TMEM209: variants seen among roughly 807,000 people sequenced by gnomAD.
The protein encoded by TMEM209 is testicular tissue protein Li 202.
In TMEM209, 65 loss-of-function variants were observed where a neutral mutation model predicts 76.2. The observed-to-expected ratio is 0.85, with a 90% confidence interval of 0.70 to 1.05. TMEM209 has a LOEUF of 1.05. TMEM209 is among the 50% of genes least tolerant of loss of function. TMEM209 has a pLI of 0.00. For missense variants in TMEM209, 623 were observed against 685.5 expected (o/e 0.91, Z 1.02); for synonymous variants, 239 against 237.6 (o/e 1.01, Z -0.06).
chr7:130,200,458 T>C (rs1197804578), intron 5 of TMEM209, among the ~76,000 whole-genome samples: 2 of 152,200 alleles, frequency 1.3e-5, no homozygotes, highest in Non-Finnish European at 2.9e-5. Flanking sequence ...AATTTATCAA[T>C]AATTTTATGT....
chr7:130,203,072 G>A (rs111510547), intron 3 of TMEM209, among the ~76,000 whole-genome samples: 1 of 151,462 alleles, frequency 6.6e-6, no homozygotes, highest in African/African-American at 2.4e-5. Flanking sequence ...CTGGGTGACA[G>A]AGTGAGACTC....
chr7:130,200,863 G>A (rs1024648812), intron 5 of TMEM209, among the ~76,000 whole-genome samples: 1 of 151,906 alleles, frequency 6.6e-6, no homozygotes, highest in Admixed American at 6.6e-5. Flanking sequence ...GTCGAGGAGG[G>A]CAGATCGCAA....
intron 6 of TMEM209, among the ~76,000 whole-genome samples, chr7:130,187,549 C>G (rs949246033): frequency 1.3e-4 from 19 of 150,178 alleles, no homozygotes. Context: ...GGTAGAGGAC[C>G]AGGAATCTCA....
At position 130,203,901 on chromosome 7, in the gene TMEM209, A is replaced by C. The variant is rs918441467; in HGVS notation, c.141-55T>G. ...GAACCTAAAAACACCAAAAATCAAA[A>C]ACAAACACAAAAACCTGTGGAACCA... On this transcript the variant is annotated intron_variant, in intron 2 of 14. Transcript: ENST00000397622. 149 of 1,592,714 alleles carry C rather than the reference A, an allele frequency of 9.4e-5. 1 individual carries two copies. The highest frequency in any genetic ancestry group is 1.2e-4 in the Non-Finnish European group (140 of 1,171,860).
At chr7:130,189,934 T>G (rs1797735988) in intron 6 of TMEM209, among the ~76,000 whole-genome samples, 1 of 152,142 alleles carries the variant, frequency 6.6e-6, no homozygotes, top group African/African-American at 2.4e-5. Flanking sequence ...ACAGACTGAC[T>G]CTGGAGCTAG....
intron 10 of TMEM209, among the ~76,000 whole-genome samples, chr7:130,176,229 C>T (rs1482477715): frequency 6.6e-5 from 10 of 151,630 alleles, no homozygotes; most frequent in Non-Finnish European, 1.2e-4. Flanking sequence ...TCTCCTGCCT[C>T]AGCCTCCTGA....
At chr7:130,198,064 C>T (rs1798051592) in intron 5 of TMEM209, among the ~76,000 whole-genome samples, 1 of 152,208 alleles carries the variant, frequency 6.6e-6, no homozygotes, top group Non-Finnish European at 1.5e-5. Flanking sequence ...AATCAATCCC[C>T]TTTTCTCCTT....
Position 130,164,925 on chromosome 7 carries a change from G to A in TMEM209, c.*1526C>T, listed in dbSNP as rs946446767. On this transcript the variant is annotated 3_prime_UTR_variant, in exon 15 of 15. Transcript: ENST00000397622. ...CATACACCAAAAGTACTTAAAAGAAGCTCCTTTCCTTTGGACATCAACTTT... is the reference window on the plus strand; with the variant it reads ...CATACACCAAAAGTACTTAAAAGAAACTCCTTTCCTTTGGACATCAACTTT... The A allele has an allele frequency of 6.6e-6, 1 of 152,222 alleles. No homozygotes were observed. The highest frequency in any genetic ancestry group is 1.9e-4 in the East Asian group (1 of 5,182). 9.4% of individuals were successfully genotyped at this position (152,222 alleles called of 1,614,324 possible).
chr7:130,168,007 G>C (rs1404765053), intron 14 of TMEM209, among the ~76,000 whole-genome samples: 1 of 151,988 alleles, frequency 6.6e-6, no homozygotes, highest in Non-Finnish European at 1.5e-5. Context: ...AGAATATAGC[G>C]CTTTAAAAAT....
intron 5 of TMEM209, among the ~76,000 whole-genome samples, chr7:130,198,022 T>C (rs1798050047): frequency 6.6e-6 from 1 of 152,224 alleles, no homozygotes; most frequent in Non-Finnish European, 1.5e-5. Flanking sequence ...GCCATCACAA[T>C]CAATTTCAGA....
chr7:130,184,013 AAAAT>A (rs1429009285), intron 8 of TMEM209, among the ~76,000 whole-genome samples, 167 bp downstream of exon 8: 1 of 152,218 alleles, frequency 6.6e-6, no homozygotes, highest in Non-Finnish European at 1.5e-5. Flanking sequence ...AAATCTCATG[AAAAT>A]AAATACCATA....
Position 130,166,403 on chromosome 7 carries a change from T to TG in TMEM209, c.*47_*48insC, listed in dbSNP as rs1796883218. 6.7e-7 allele frequency: 1 copy of TG among 1,482,050 alleles called. No individual in the cohort carries two copies. 91.8% of individuals were successfully genotyped at this position (1,482,050 alleles called of 1,614,324 possible). A position where few individuals can be genotyped will look rare whatever the true frequency, so the allele number is the denominator to read the frequency against. ...GGCTCAGAGATGTTTAGTTTCGACT[T>TG]CTGGTTCAGTGAAATAGTCTAAATG... On this transcript the variant is annotated 3_prime_UTR_variant, in exon 15 of 15. Transcript: ENST00000397622.
At chr7:130,191,531 A>C (rs900087466) in intron 6 of TMEM209, among the ~76,000 whole-genome samples, 6 of 152,162 alleles carry the variant, frequency 3.9e-5, no homozygotes, top group Non-Finnish European at 8.8e-5. Flanking sequence ...CAGAAAAGTG[A>C]TCACATAGTA....
In TMEM209 at chr7:130,166,097, T is replaced by G; in HGVS notation, c.*354A>C. The G allele has an allele frequency of 6.1e-6, 1 of 164,320 alleles. No homozygotes were observed. Among genetic ancestry groups the G allele is most frequent in the Non-Finnish European group, 1.3e-5 (1 of 76,692 alleles). The allele number at this position is 164,320 out of a possible 1,614,324, so 10.2% of individuals were successfully genotyped here. On this transcript the variant is annotated 3_prime_UTR_variant, in exon 15 of 15. Transcript: ENST00000397622. ...AAAAAATTTTTTTTTGGTACAAGAA[T>G]CAGGTAGATGATTCTCATTTGGGGG...
At position 130,177,939 on chromosome 7, in the gene TMEM209, A is replaced by T. The variant is rs1797292602; in HGVS notation, c.1246+463T>A. Among the ~76,000 whole-genome samples the T allele has an allele frequency of 2.0e-5, 3 of 152,298 alleles. No homozygotes were observed. The South Asian group carries it at 6.2e-4, about 32-fold the overall frequency. On this transcript the variant is annotated intron_variant, in intron 10 of 14. Coordinates refer to ENST00000397622, the MANE Select transcript of TMEM209 (RefSeq NM_032842.4). ...CTTTTAAAAAGTTTATCCAAATTTTAAAAAATTCTAACGTTATGAATTGCT... is the reference window on the plus strand; with the variant it reads ...CTTTTAAAAAGTTTATCCAAATTTTTAAAAATTCTAACGTTATGAATTGCT...
chr7:130,204,868 ACTATCTC>A, intron 1 of TMEM209: 1 of 905,906 alleles, frequency 1.1e-6, no homozygotes. Flanking sequence ...AGACGCCATT[ACTATCTC>A]AACAACTCTG....
chr7:130,176,994 C>T (rs865945887), intron 10 of TMEM209, among the ~76,000 whole-genome samples: 2 of 146,126 alleles, frequency 1.4e-5, no homozygotes, highest in African/African-American at 5.1e-5. Context: ...GCCATTACTG[C>T]ACTCCAGCCT....
rs1199073598 is a variant in TMEM209 at position 130,204,130 on chromosome 7, A to G, written c.4-20T>C. 1 of 1,592,858 alleles carries G rather than the reference A, an allele frequency of 6.3e-7. No individual in the cohort carries two copies. The highest frequency in any genetic ancestry group is 1.8e-5 in the Admixed American group (1 of 55,584). ...CTGCATCTATGAAAAAACAAAAAGC[A>G]CAGGAATTAACCAGAAGAAACTATT... On this transcript the variant is annotated intron_variant, in intron 1 of 14. Coordinates refer to ENST00000397622, the MANE Select transcript of TMEM209 (RefSeq NM_032842.4).
At chr7:130,180,478 C>G (rs1289280897) in intron 9 of TMEM209, among the ~76,000 whole-genome samples, 1 of 152,026 alleles carries the variant, frequency 6.6e-6, no homozygotes, top group Non-Finnish European at 1.5e-5. Context: ...AAGCGATTCT[C>G]CTGCCTCAGC....
Sources: allele counts gnomAD v4.1 joint callset (sites outside exome capture counted in the v4.1 genomes callset), GRCh38; gene constraint gnomAD v4.1.1; transcripts MANE v1.5; gene names NCBI Gene and HGNC (gene_info 2026-07-23, HGNC 2026-07-21).